Variants in ARHGEF2 observed in about 807,000 individuals in gnomAD.
ARHGEF2 encodes rho guanine nucleotide exchange factor 2.
ARHGEF2 carries 22 observed loss-of-function variants against 121.0 expected under a neutral mutation model. The observed-to-expected ratio is 0.18, with a 90% CI of 0.13 to 0.26. The LOEUF (loss-of-function observed/expected upper bound fraction) is 0.26, where lower values mean the gene tolerates loss of function less well. Ranked by LOEUF, ARHGEF2 falls within the 10% of genes least tolerant of loss-of-function variation. The probability of loss-of-function intolerance (pLI) is 1.00; values close to 1 mark genes in which losing one functional copy is unlikely to be tolerated. For synonymous variants in ARHGEF2, 487 were observed against 530.0 expected, an observed-to-expected ratio of 0.92 and a Z score of 1.11; for missense variants, 907 against 1,336.0, an observed-to-expected ratio of 0.68 and a Z score of 5.01.
chr1:155,970,829 CCTGCCTCTCTT>C, intron 1 of ARHGEF2: 3 of 986,354 alleles, frequency 3.0e-6, no homozygotes, highest in South Asian at 9.3e-5. Context: ...CCTTCTCTTT[CCTGCCTCTCTT>C]CCCAAGCTCC....
chr1:155,965,860 C>T lies in ARHGEF2; in HGVS notation c.341-100G>A. ...CAATGAGGAATGAGGCATCCTCTCA[C>T]TCCACCTCAGCCCCTCTAGTCAAGA... On this transcript the variant is annotated intron_variant, in intron 4 of 21. Coordinates refer to ENST00000361247, the MANE Select transcript of ARHGEF2 (RefSeq NM_001162383.2). The surrounding 1 kb of genome is among the most constrained non-coding windows in gnomAD (Gnocchi z 6.0). 2 of 1,365,054 alleles carry T rather than the reference C, an allele frequency of 1.5e-6. No individual in the cohort carries two copies. Among genetic ancestry groups the T allele is most frequent in the Non-Finnish European group, 1.9e-6 (2 of 1,030,258 alleles). The allele number at this position is 1,365,054 out of a possible 1,614,324, so 84.6% of individuals were successfully genotyped here.
chr1:155,971,068 C>T (rs182378678), intron 1 of ARHGEF2: 32 of 986,476 alleles, frequency 3.2e-5, no homozygotes, highest in East Asian at 2.3e-4. Context: ...TCTCCTCTCC[C>T]GCCCACAGCC....
intron 15 of ARHGEF2, among the ~76,000 whole-genome samples, 189 bp downstream of exon 15, chr1:155,952,439 G>C (rs1269539842): frequency 6.6e-6 from 1 of 152,220 alleles, no homozygotes; most frequent in Non-Finnish European, 1.5e-5. Flanking sequence ...GGACGATATG[G>C]AGCAGCAGCA....
chr1:155,951,920 C>T lies in ARHGEF2; in HGVS notation c.2171G>A (p.Arg724Lys). The change falls in exon 17 of 22, where the codon AGG becomes AAG. Residue 724 changes from arginine to lysine, a missense_variant and splice_region_variant. This residue lies in a region of ARHGEF2 where 432 missense variants were observed against 559.5 expected (regional missense o/e 0.77). Transcript: ENST00000361247. This position sits in a 1 kb window ranked among gnomAD's most constrained non-coding sequence, Gnocchi z 5.1. ...LCRADSDSSQ[R>K]DRNGNQLRSP... ...TCCCAGAACCTCTTGAGGACCTACCCTCTGGCTAGAGTCTGAGTCAGCTCT... is the reference window on the plus strand; with the variant it reads ...TCCCAGAACCTCTTGAGGACCTACCTTCTGGCTAGAGTCTGAGTCAGCTCT... The T allele has an allele frequency of 6.2e-7, 1 of 1,614,084 alleles. No homozygotes were observed. The highest frequency in any genetic ancestry group is 8.5e-7 in the Non-Finnish European group (1 of 1,180,024).
intron 15 of ARHGEF2, 104 bp downstream of exon 15, chr1:155,952,524 G>C: frequency 2.3e-6 from 3 of 1,309,510 alleles, no homozygotes; most frequent in Non-Finnish European, 3.2e-6. Flanking sequence ...ATGGTTTATA[G>C]GGTTGGCATC....
In ARHGEF2 at chr1:155,961,942, A is replaced by T; in HGVS notation, c.1220-33T>A. ...CGGGGGTTGGCATGGGGAACGGCTCAACCAGTTTCACTCACACCCCAGTTC... is the reference window on the plus strand; with the variant it reads ...CGGGGGTTGGCATGGGGAACGGCTCTACCAGTTTCACTCACACCCCAGTTC... On this transcript the variant is annotated intron_variant, in intron 10 of 21. Coordinates refer to ENST00000361247, the MANE Select transcript of ARHGEF2 (RefSeq NM_001162383.2). The surrounding 1 kb of genome is among the most constrained non-coding windows in gnomAD (Gnocchi z 4.7). 6.2e-7 allele frequency: 1 copy of T among 1,612,382 alleles called. No homozygotes were observed. Among genetic ancestry groups the T allele is most frequent in the Non-Finnish European group, 8.5e-7 (1 of 1,178,880 alleles).
At chr1:155,968,354 G>C (rs1430494632) in intron 2 of ARHGEF2, 1 of 152,086 alleles carries the variant, frequency 6.6e-6, no homozygotes, top group Non-Finnish European at 1.5e-5. Context: ...TTACAGGCTA[G>C]AGCTTTTGTC....
intron 14 of ARHGEF2, among the ~76,000 whole-genome samples, chr1:155,954,330 C>T (rs189119920): frequency 2.2e-5 from 3 of 136,122 alleles, no homozygotes; most frequent in Admixed American, 1.7e-4. Flanking sequence ...GTTGCCCAGG[C>T]TGGAGTGCAG....
At chr1:155,972,358 C>T in intron 1 of ARHGEF2, 1 of 457,004 alleles carries the variant, frequency 2.2e-6, no homozygotes, top group Non-Finnish European at 4.4e-6. Context: ...GCGACCCTGG[C>T]ACTGCCTAGT....
Position 155,951,132 on chromosome 1 carries a change from C to T in ARHGEF2, c.2400G>A (p.Gln800=), listed in dbSNP as rs773045518. ...GCTGCAGTAATGCCAGTTCCGTGGC[C>T]TGCTTTTCAGGGGCCACAGGGGCAG... is the stretch of plus-strand genomic sequence containing the variant. ...AGAAPVAPEK[Q]ATELALLQRQ... is the part of the protein sequence containing the mutation. The change falls in exon 20 of 22, where the codon CAG becomes CAA. Residue 800 remains glutamine, a synonymous_variant. Coordinates refer to ENST00000361247, the MANE Select transcript of ARHGEF2 (RefSeq NM_001162383.2). The surrounding 1 kb of genome is among the most constrained non-coding windows in gnomAD (Gnocchi z 5.1). 48 of 1,604,944 alleles carry T rather than the reference C, an allele frequency of 3.0e-5. No homozygotes were observed. The highest frequency in any genetic ancestry group is 3.8e-5 in the Non-Finnish European group (45 of 1,177,382).
rs1475070224 is a variant in ARHGEF2, at chr1:155,961,947, G to A, written c.1220-38C>T. On this transcript the variant is annotated intron_variant, in intron 10 of 21. Coordinates refer to ENST00000361247, the MANE Select transcript of ARHGEF2 (RefSeq NM_001162383.2). This position sits in a 1 kb window ranked among gnomAD's most constrained non-coding sequence, Gnocchi z 4.7. ...GTTGGCATGGGGAACGGCTCAACCA[G>A]TTTCACTCACACCCCAGTTCCCATC... 6.2e-7 allele frequency: 1 copy of A among 1,611,886 alleles called. No homozygotes were observed. The highest frequency in any genetic ancestry group is 2.2e-5 in the East Asian group (1 of 44,832).
Position 155,958,291 on chromosome 1 carries a change from CTGAGAAAGG to C in ARHGEF2, c.1545+20_1545+28del. 6.3e-7 allele frequency: 1 copy of C among 1,590,764 alleles called. No homozygotes were observed. The highest frequency in any genetic ancestry group is 1.1e-5 in the South Asian group (1 of 90,508). The stretch of plus-strand genomic sequence containing the variant: ...GAAGAGACTAAAACACTTGTCTGTG[CTGAGAAAGG>C]TGAAGAATGAATGTCTCACCAGGGT... On this transcript the variant is annotated intron_variant, in intron 12 of 21. Transcript: ENST00000361247.
intron 1 of ARHGEF2, among the ~76,000 whole-genome samples, chr1:155,973,148 T>C (rs1177890937): frequency 6.6e-6 from 1 of 151,990 alleles, no homozygotes; most frequent in African/African-American, 2.4e-5. Flanking sequence ...AGGCACCCAA[T>C]ACATGTCTCA....
rs774112011 is a variant in ARHGEF2 at position 155,951,168 on chromosome 1, G to A, written c.2364C>T (p.Gly788=). Reference sequence around the variant, plus strand: ...GGGCCACAGGGGCAGCCCCAGCCCTGCCAGCCTCCCCATCCCGAGAGTTGG... The same window carrying A: ...GGGCCACAGGGGCAGCCCCAGCCCTACCAGCCTCCCCATCCCGAGAGTTGG... ...CRANSRDGEA[G]RAGAAPVAPE... Residue 788 remains glycine, a synonymous_variant, in exon 20 of 22, where the codon GGC becomes GGT. Coordinates refer to ENST00000361247, the MANE Select transcript of ARHGEF2 (RefSeq NM_001162383.2). The surrounding 1 kb of genome is among the most constrained non-coding windows in gnomAD (Gnocchi z 5.1). 1.2e-6 allele frequency: 2 copies of A among 1,605,344 alleles called. No homozygotes were observed. The highest frequency in any genetic ancestry group is 8.5e-7 in the Non-Finnish European group (1 of 1,177,428).
At chr1:155,948,855 T>A (rs925546876) in intron 21 of ARHGEF2, among the ~76,000 whole-genome samples, 1 of 152,130 alleles carries the variant, frequency 6.6e-6, no homozygotes, top group Admixed American at 6.6e-5. Flanking sequence ...CACGGAGTAC[T>A]GTCAACTCAA....
intron 1 of ARHGEF2, among the ~76,000 whole-genome samples, chr1:155,975,548 A>G (rs1173211915): frequency 1.3e-5 from 2 of 151,818 alleles, no homozygotes; most frequent in East Asian, 1.9e-4. Context: ...CAGAAGCCTC[A>G]GCCACCAGGA....
intron 14 of ARHGEF2, 42 bp downstream of exon 14, chr1:155,954,860 T>C (rs537350221): frequency 6.4e-7 from 1 of 1,555,624 alleles, no homozygotes; most frequent in Non-Finnish European, 8.8e-7. Flanking sequence ...ATTGTGTGAA[T>C]GTATTATAAA....
At position 155,947,699 on chromosome 1, in the gene ARHGEF2, T is replaced by C. The variant is rs1380315277; in HGVS notation, c.*243A>G. 1 of 528,708 alleles carries C rather than the reference T, an allele frequency of 1.9e-6. No individual in the cohort carries two copies. Among genetic ancestry groups the C allele is most frequent in the African/African-American group, 1.9e-5 (1 of 52,372 alleles). 32.8% of individuals were successfully genotyped at this position (528,708 alleles called of 1,614,324 possible). On this transcript the variant is annotated 3_prime_UTR_variant, in exon 22 of 22. Coordinates refer to ENST00000361247, the MANE Select transcript of ARHGEF2 (RefSeq NM_001162383.2). ...AATAAATAAATAAATTTTCCTAAAG[T>C]TGCGGGAAGAAGGCATGAACCACTG...
upstream of ARHGEF2, chr1:155,979,390 A>G (rs1460621306): frequency 2.1e-6 from 2 of 938,772 alleles, no homozygotes; most frequent in Non-Finnish European, 2.5e-6. Flanking sequence ...CCTCTCCCCA[A>G]GAAGCAGGGT....
Sources: gnomAD v4.1 joint callset for allele counts (sites outside exome capture counted in the v4.1 genomes callset) on GRCh38, gnomAD v4.1.1 for gene constraint, gnomAD v4.1.1 regional missense constraint, Gnocchi (gnomAD v3.1) non-coding constraint, MANE v1.5 for transcripts, NCBI Gene and HGNC (gene_info 2026-07-23, HGNC 2026-07-21) for gene names.